FYB1: variants seen among roughly 807,000 people sequenced by gnomAD.
FYB1 encodes FYN binding protein 1, also known as FYN-binding protein 1.
In FYB1, 41 loss-of-function variants were observed where a neutral mutation model predicts 94.1. The observed-to-expected ratio is 0.44, with a 90% confidence interval of 0.34 to 0.57. The LOEUF (loss-of-function observed/expected upper bound fraction) is 0.57. FYB1 is among the 20% of genes least tolerant of loss of function. The pLI, the probability that FYB1 is intolerant of heterozygous loss-of-function variation, is 0.02. For missense variants in FYB1, 1,050 were observed against 976.8 expected, an observed-to-expected ratio of 1.07 and a Z score of -1.00; for synonymous variants, 367 against 353.2, an observed-to-expected ratio of 1.04 and a Z score of -0.44.
chr5:39,144,630 C>T (rs899388377), intron 3 of FYB1, among the ~76,000 whole-genome samples: 5 of 152,040 alleles, frequency 3.3e-5, no homozygotes, highest in Non-Finnish European at 7.4e-5. Context: ...GGTGAAACCC[C>T]GTCTCTACTA....
chr5:39,191,601 A>T (rs1428276576), intron 2 of FYB1, among the ~76,000 whole-genome samples: 1 of 152,194 alleles, frequency 6.6e-6, no homozygotes, highest in East Asian at 1.9e-4. Flanking sequence ...ATGAAGTATA[A>T]TCTTTCTCCC....
At chr5:39,125,472 G>A (rs1740566958) in intron 12 of FYB1, among the ~76,000 whole-genome samples, 1 of 152,110 alleles carries the variant, frequency 6.6e-6, no homozygotes, top group South Asian at 2.1e-4. Context: ...TATATCATTA[G>A]AGTGTAATAT....
chr5:39,143,500 A>G (rs62358705), intron 3 of FYB1, among the ~76,000 whole-genome samples: 9,423 of 147,056 alleles, frequency 0.064, 378 homozygotes, highest in Non-Finnish European at 0.092. Flanking sequence ...CCTGGTAATC[A>G]GAATTACTCC....
rs528959070 is a variant in FYB1, at chr5:39,107,326, C to T, written c.*117G>A. On this transcript the variant is annotated 3_prime_UTR_variant, in exon 19 of 19. Transcript: ENST00000512982. ...TGTAAAGATAATTGGGATTTCATAA[C>T]AAATGATAATAAGTGGTTTTGTGCA... 1.5e-4 allele frequency: 93 copies of T among 607,716 alleles called. No individual in the cohort carries two copies. In the Admixed American group the frequency reaches 2.2e-3, roughly 14 times the overall value. 37.6% of individuals were successfully genotyped at this position (607,716 alleles called of 1,614,324 possible).
chr5:39,124,448 G>A (rs1241443955), intron 12 of FYB1, 170 bp from the exon 13 acceptor site: 1 of 489,540 alleles, frequency 2.0e-6, no homozygotes, highest in South Asian at 4.1e-5. Flanking sequence ...GTCCATTTCT[G>A]TTTATCAATT....
rs1427941723 is a variant in FYB1 at position 39,202,367 on chromosome 5, A to T, written c.594T>A (p.Phe198Leu). ...EPKPLFPKPAFGQKPPLSTEN... is the reference protein window; with the variant it reads ...EPKPLFPKPALGQKPPLSTEN... ...CGGTACTTAGGGGCGGCTTCTGGCCAAAGGCGGGTTTGGGGAAGAGGGGCT... is the reference window on the plus strand; with the variant it reads ...CGGTACTTAGGGGCGGCTTCTGGCCTAAGGCGGGTTTGGGGAAGAGGGGCT... The change falls in exon 2 of 19, where the codon TTT (phenylalanine) becomes TTA (leucine). Residue 198 changes from phenylalanine to leucine, a missense_variant. By Grantham distance (22) the Phe-to-Leu change is conservative. Transcript: ENST00000512982. 1.2e-6 allele frequency: 2 copies of T among 1,613,966 alleles called. No homozygotes were observed. Among genetic ancestry groups the T allele is most frequent in the East Asian group, 4.5e-5 (2 of 44,874 alleles).
Position 39,202,942 on chromosome 5 carries a change from C to CG in FYB1, c.18_19insC (p.Gly7ArgfsTer12), listed in dbSNP as rs769158757. 6.2e-7 allele frequency: 1 copy of CG among 1,613,860 alleles called. No homozygotes were observed. The highest frequency in any genetic ancestry group is 8.5e-7 in the Non-Finnish European group (1 of 1,179,880). On this transcript the variant is annotated frameshift_variant, in exon 2 of 19. Transcript: ENST00000512982. LOFTEE classifies it high-confidence loss of function. Reference sequence around the variant, plus strand: ...GAGACATCCTCTGTCGGGTTGCCCCCCGTGTTATATTTCGCCATGAGGGAC... The same window carrying CG: ...GAGACATCCTCTGTCGGGTTGCCCCCGCGTGTTATATTTCGCCATGAGGGAC...
At chr5:39,189,661 G>A (rs1477477114) in intron 2 of FYB1, among the ~76,000 whole-genome samples, 1 of 152,184 alleles carries the variant, frequency 6.6e-6, no homozygotes, top group Non-Finnish European at 1.5e-5. Context: ...AAAGAAAAAA[G>A]GGTGAGCTAC....
At chr5:39,263,682 T>A (rs1266606072) in intron 1 of FYB1, among the ~76,000 whole-genome samples, 2 of 152,140 alleles carry the variant, frequency 1.3e-5, no homozygotes, top group Non-Finnish European at 1.5e-5. Context: ...GCCTACAGTT[T>A]ATTTATTTTC....
At chr5:39,259,631 A>T (rs1287701259) in intron 1 of FYB1, among the ~76,000 whole-genome samples, 1 of 152,242 alleles carries the variant, frequency 6.6e-6, no homozygotes, top group East Asian at 1.9e-4. Context: ...TGAAATATAC[A>T]GTTATATCAA....
chr5:39,232,734 C>G (rs1490412889), intron 1 of FYB1, among the ~76,000 whole-genome samples: 1 of 142,828 alleles, frequency 7.0e-6, no homozygotes, highest in Non-Finnish European at 1.5e-5. Context: ...CAACCCACAA[C>G]AGTCCCCAGA....
chr5:39,169,645 G>A, intron 2 of FYB1: 1 of 442,246 alleles, frequency 2.3e-6, no homozygotes, highest in South Asian at 1.8e-5. Flanking sequence ...AGGAGTTCGA[G>A]ACCAGTCTGG....
rs147739600 is a variant in FYB1, at chr5:39,196,879, A to G, written c.1135+4947T>C. 1.2e-3 allele frequency among the ~76,000 whole-genome samples: 176 copies of G among 152,360 alleles called. 1 individual carries two copies. The highest frequency in any genetic ancestry group is 3.9e-3 in the African/African-American group (163 of 41,590). ...AAGTTACCTAACCTCTCTGAGCTTTAGTTTACTCATAGAATTCCTATTCAT... is the reference window on the plus strand; with the variant it reads ...AAGTTACCTAACCTCTCTGAGCTTTGGTTTACTCATAGAATTCCTATTCAT... On this transcript the variant is annotated intron_variant, in intron 2 of 18. Transcript: ENST00000512982.
intron 1 of FYB1, among the ~76,000 whole-genome samples, chr5:39,262,761 G>GA (rs1423028164): frequency 6.6e-6 from 1 of 151,972 alleles, no homozygotes; most frequent in African/African-American, 2.4e-5. Context: ...GGATATTCTT[G>GA]AAAAAAACCC....
intron 1 of FYB1, among the ~76,000 whole-genome samples, chr5:39,211,570 A>C (rs865847651): frequency 6.6e-6 from 1 of 151,886 alleles, no homozygotes; most frequent in Non-Finnish European, 1.5e-5. Context: ...CGGCCTCCCA[A>C]AGTGCTGGGA....
chr5:39,238,501 A>T (rs1751065963), intron 1 of FYB1, among the ~76,000 whole-genome samples: 1 of 152,046 alleles, frequency 6.6e-6, no homozygotes, highest in Admixed American at 6.6e-5. Context: ...TTTGTGGGCC[A>T]ACCCACCTGC....
intron 1 of FYB1, among the ~76,000 whole-genome samples, chr5:39,230,878 C>CACACACAT (rs1491183836): frequency 1.6e-5 from 2 of 128,336 alleles, no homozygotes; most frequent in African/African-American, 5.4e-5. Flanking sequence ...CACACACACA[C>CACACACAT]ATATATATAC....
chr5:39,114,357 A>G (rs974711099), intron 16 of FYB1, among the ~76,000 whole-genome samples: 1 of 152,210 alleles, frequency 6.6e-6, no homozygotes, highest in African/African-American at 2.4e-5. Flanking sequence ...AACTTCTACA[A>G]GTCAATGGGT....
chr5:39,191,858 T>A (rs1219674309), intron 2 of FYB1, among the ~76,000 whole-genome samples: 1 of 152,232 alleles, frequency 6.6e-6, no homozygotes, highest in Non-Finnish European at 1.5e-5. Context: ...AGATGGATTT[T>A]TGCTCATGAG....
Sources: gnomAD v4.1 joint callset for allele counts (sites outside exome capture counted in the v4.1 genomes callset) on GRCh38, gnomAD v4.1.1 for gene constraint, MANE v1.5 for transcripts, NCBI Gene and HGNC (gene_info 2026-07-23, HGNC 2026-07-21) for gene names.